DLC1: variants seen among roughly 807,000 people sequenced by gnomAD.
The protein encoded by DLC1 is DLC1 Rho GTPase activating protein.
DLC1 carries 54 observed loss-of-function variants against 140.3 expected under a neutral mutation model. That is an observed-to-expected ratio of 0.38 (90% confidence interval 0.31 to 0.48). DLC1 has a LOEUF of 0.48. DLC1 is among the 20% of genes least tolerant of loss of function. The probability of loss-of-function intolerance (pLI) is 0.96; values close to 1 mark genes in which losing one functional copy is unlikely to be tolerated. For synonymous variants in DLC1, 986 were observed against 728.1 expected (o/e 1.35, Z -5.70); for missense variants, 2,536 against 1,907.0 (o/e 1.33, Z -6.14).
At chr8:13,579,808 C>G (rs1308846026) in intron 1 of DLC1, among the ~76,000 whole-genome samples, 1 of 151,524 alleles carries the variant, frequency 6.6e-6, no homozygotes, top group Non-Finnish European at 1.5e-5. Context: ...AAGTGTGGCC[C>G]TCTGCATAGC....
chr8:13,376,007 C>T (rs554833958), intron 4 of DLC1, among the ~76,000 whole-genome samples: 2 of 152,248 alleles, frequency 1.3e-5, no homozygotes, highest in African/African-American at 4.8e-5. Context: ...TTTTCACATG[C>T]ACGAACCGAA....
Position 13,100,074 on chromosome 8 carries a change from T to G in DLC1, c.2263A>C (p.Thr755Pro). Reference protein sequence around the residue: ...SQSETSSAVSTPSPVTRTRSL... With the variant: ...SQSETSSAVSPPSPVTRTRSL... Reference sequence around the variant, plus strand: ...CGGGTCCTCGTAACAGGGCTGGGCGTGCTGACCGCGCTGCTGGTCTCCGAC... The same window carrying G: ...CGGGTCCTCGTAACAGGGCTGGGCGGGCTGACCGCGCTGCTGGTCTCCGAC... Residue 755 changes from threonine to proline, a missense_variant, in exon 9 of 18, where the codon ACG (threonine) becomes CCG (proline). Transcript: ENST00000276297. 6.2e-7 allele frequency: 1 copy of G among 1,613,584 alleles called. No individual in the cohort carries two copies.
intron 5 of DLC1, among the ~76,000 whole-genome samples, chr8:13,203,487 G>A (rs76237087): frequency 0.024 from 3,632 of 152,282 alleles, 63 homozygotes; most frequent in Non-Finnish European, 0.038. Flanking sequence ...AAAATGAAAT[G>A]AAGATTGAAT....
At chr8:13,142,471 A>C (rs947438680) in intron 5 of DLC1, among the ~76,000 whole-genome samples, 1 of 152,232 alleles carries the variant, frequency 6.6e-6, no homozygotes, top group African/African-American at 2.4e-5. Flanking sequence ...GCTAAATTTC[A>C]TAACCGAGTT....
At chr8:13,467,389 C>T (rs1799986029) in intron 2 of DLC1, among the ~76,000 whole-genome samples, 1 of 151,958 alleles carries the variant, frequency 6.6e-6, no homozygotes, top group African/African-American at 2.4e-5. Flanking sequence ...TCTCCCCTCC[C>T]CTCTCCTTTT....
At chr8:13,604,401 A>G (rs186951583) in intron 1 of DLC1, 48 of 152,330 alleles carry the variant, frequency 3.2e-4, no homozygotes, top group Admixed American at 9.2e-4. Context: ...CTTTCCTTCT[A>G]TAACTTCATT....
intron 2 of DLC1, among the ~76,000 whole-genome samples, chr8:13,469,928 C>A (rs1179653113): frequency 6.6e-6 from 1 of 152,122 alleles, no homozygotes; most frequent in East Asian, 1.9e-4. Context: ...GGTATTACAG[C>A]TCAATATTGT....
intron 17 of DLC1, 90 bp downstream of exon 17, chr8:13,086,200 T>C (rs1248846106): frequency 1.3e-6 from 2 of 1,495,748 alleles, no homozygotes; most frequent in African/African-American, 1.4e-5. Flanking sequence ...AAAAATGACG[T>C]GTTTGTTTAA....
At chr8:13,123,568 G>C (rs543163655) in intron 5 of DLC1, among the ~76,000 whole-genome samples, 1 of 149,032 alleles carries the variant, frequency 6.7e-6, no homozygotes, top group South Asian at 2.1e-4. Flanking sequence ...GGCTGGTTTC[G>C]AATTCCTGAC....
At chr8:13,598,807 A>T (rs1805767295) in intron 1 of DLC1, among the ~76,000 whole-genome samples, 1 of 151,872 alleles carries the variant, frequency 6.6e-6, no homozygotes, top group African/African-American at 2.4e-5. Flanking sequence ...TGTTACACCA[A>T]CTCTGCCTCA....
chr8:13,589,940 T>A (rs1805461691), intron 1 of DLC1, among the ~76,000 whole-genome samples: 2 of 151,900 alleles, frequency 1.3e-5, no homozygotes. Flanking sequence ...CTGCTATCTG[T>A]GTATTATAGT....
chr8:13,130,548 T>G (rs1376579755), intron 5 of DLC1, among the ~76,000 whole-genome samples: 1 of 152,330 alleles, frequency 6.6e-6, no homozygotes, highest in Non-Finnish European at 1.5e-5. Flanking sequence ...TAACCTGCCT[T>G]TCACCTTTAC....
intron 4 of DLC1, chr8:13,339,861 C>T (rs1194356480): frequency 6.6e-5 from 10 of 152,176 alleles, no homozygotes. Flanking sequence ...TTTCTTTCAT[C>T]CACTCACTTA....
At chr8:13,465,073 A>T (rs1443716102) in intron 2 of DLC1, among the ~76,000 whole-genome samples, 1 of 152,088 alleles carries the variant, frequency 6.6e-6, no homozygotes, top group Non-Finnish European at 1.5e-5. Flanking sequence ...TTGTAGGTTG[A>T]ATAAGTTAAG....
intron 2 of DLC1, among the ~76,000 whole-genome samples, chr8:13,403,034 G>A (rs1212335986): frequency 6.6e-6 from 1 of 152,150 alleles, no homozygotes; most frequent in African/African-American, 2.4e-5. Context: ...AACCGAACTT[G>A]TGCATGGTTT....
At chr8:13,417,036 G>A (rs941386092) in intron 2 of DLC1, among the ~76,000 whole-genome samples, 11 of 151,916 alleles carry the variant, frequency 7.2e-5, no homozygotes, top group Admixed American at 1.3e-4. Flanking sequence ...GAGAGCAGTC[G>A]GGCTAGTTAA....
intron 1 of DLC1, among the ~76,000 whole-genome samples, chr8:13,506,598 TATATATATATACAC>T (rs1802090603): frequency 7.1e-6 from 1 of 141,462 alleles, no homozygotes; most frequent in Admixed American, 7.1e-5. Flanking sequence ...TATATATATA[TATATATATATACAC>T]ATATATATAC....
intron 4 of DLC1, among the ~76,000 whole-genome samples, chr8:13,373,169 G>A (rs746616884): frequency 6.6e-6 from 1 of 152,060 alleles, no homozygotes; most frequent in Non-Finnish European, 1.5e-5. Flanking sequence ...GGGTGAGCCT[G>A]GCCCCAAATG....
chr8:13,360,554 G>A (rs929548373), intron 4 of DLC1, among the ~76,000 whole-genome samples: 1 of 152,078 alleles, frequency 6.6e-6, no homozygotes, highest in African/African-American at 2.4e-5. Flanking sequence ...ACAGCGCTGG[G>A]CTTGGGCATT....
Sources: gnomAD v4.1 joint callset for allele counts (sites outside exome capture counted in the v4.1 genomes callset) on GRCh38, gnomAD v4.1.1 for gene constraint, MANE v1.5 for transcripts, NCBI Gene and HGNC (gene_info 2026-07-23, HGNC 2026-07-21) for gene names.